Variants in AFF2 observed in about 807,000 individuals in gnomAD.
AFF2 encodes AF4/FMR2 family member 2.
A neutral mutation model predicts 76.9 loss-of-function variants in AFF2; 14 were observed. The ratio of observed to expected loss-of-function variants is 0.18; its 90% confidence interval spans 0.12 to 0.28. The LOEUF is 0.28. Among genes scored for constraint, AFF2 ranks in the 10% least tolerant of loss-of-function variants. The pLI is 1.00. For synonymous variants in AFF2, 398 were observed against 366.7 expected (o/e 1.09, Z -0.98); for missense variants, 868 against 1,001.1 (o/e 0.87, Z 1.79).
chrX:148,718,684 G>A (rs2055054977), intron 3 of AFF2, among the ~76,000 whole-genome samples: 1 of 111,460 alleles, frequency 9.0e-6, no homozygotes, highest in African/African-American at 3.3e-5. Context: ...TTCTATGTGT[G>A]TTTGCATATT....
chrX:148,639,493 C>T (rs1181998435), intron 1 of AFF2, among the ~76,000 whole-genome samples: 1 of 112,056 alleles, frequency 8.9e-6, no homozygotes, highest in Non-Finnish European at 1.9e-5. Context: ...AGATAGGAGA[C>T]AAGCAATTGG....
intron 9 of AFF2, among the ~76,000 whole-genome samples, chrX:148,919,431 A>T (rs1390782085): frequency 9.0e-6 from 1 of 111,277 alleles, no homozygotes; most frequent in East Asian, 2.8e-4. Context: ...CAGTTTCTTC[A>T]TAATGAAACC....
intron 1 of AFF2, among the ~76,000 whole-genome samples, chrX:148,584,358 C>G (rs144312467): frequency 1.8e-5 from 2 of 111,020 alleles, no homozygotes; most frequent in Admixed American, 1.9e-4. Flanking sequence ...GTCTGAGAAA[C>G]TGTTAAAATG....
chrX:148,641,842 T>G (rs967145241), intron 1 of AFF2, among the ~76,000 whole-genome samples: 2 of 112,023 alleles, frequency 1.8e-5, no homozygotes, highest in African/African-American at 6.5e-5. Flanking sequence ...CATCTTCTCC[T>G]CTTATAAGGA....
At chrX:148,874,688 AG>A (rs1223754063) in intron 7 of AFF2, among the ~76,000 whole-genome samples, 5 of 112,203 alleles carry the variant, frequency 4.5e-5, no homozygotes, top group Non-Finnish European at 9.4e-5. Flanking sequence ...AGAACAGTTT[AG>A]ATAAGTGTGT....
In AFF2 at chrX:148,995,065, A is replaced by C. The variant is rs930538717; in HGVS notation, c.*3733A>C. 1 of 112,203 alleles carries C rather than the reference A, an allele frequency of 8.9e-6. No individual in the cohort carries two copies. Among genetic ancestry groups the C allele is most frequent in the African/African-American group, 3.2e-5 (1 of 30,788 alleles). 9.2% of individuals were successfully genotyped at this position (112,203 alleles called of 1,213,427 possible). On this transcript the variant is annotated 3_prime_UTR_variant, in exon 21 of 21. Transcript: ENST00000370460. ...GGTCAATTCAGCACCCCCAAATTTAATTCTGTGGGGAAAAATTATTGAGCC... is the reference window on the plus strand; with the variant it reads ...GGTCAATTCAGCACCCCCAAATTTACTTCTGTGGGGAAAAATTATTGAGCC...
intron 1 of AFF2, among the ~76,000 whole-genome samples, chrX:148,615,608 T>C (rs2053789902): frequency 8.9e-6 from 1 of 111,940 alleles, no homozygotes; most frequent in Non-Finnish European, 1.9e-5. Context: ...CCAATGCTCT[T>C]GGCTTTGCCG....
chrX:148,814,603 G>T (rs2070242712), intron 4 of AFF2, among the ~76,000 whole-genome samples: 1 of 111,600 alleles, frequency 9.0e-6, no homozygotes, highest in Non-Finnish European at 1.9e-5. Context: ...TCTTCTTACA[G>T]ATTTCTTCCT....
chrX:148,580,218 C>T (rs923534995), intron 1 of AFF2, among the ~76,000 whole-genome samples: 2 of 111,104 alleles, frequency 1.8e-5, no homozygotes, highest in Admixed American at 1.9e-4. Flanking sequence ...TGCCCAGTGC[C>T]TCCTATTTGC....
intron 3 of AFF2, among the ~76,000 whole-genome samples, chrX:148,764,456 A>C (rs1182348263): frequency 2.7e-5 from 3 of 112,498 alleles, no homozygotes; most frequent in Non-Finnish European, 5.6e-5. Context: ...AACTATGGAC[A>C]TGCAAATTTG....
chrX:148,954,349 C>A (rs1209544748), intron 10 of AFF2, among the ~76,000 whole-genome samples: 1 of 112,056 alleles, frequency 8.9e-6, no homozygotes, highest in African/African-American at 3.2e-5. Flanking sequence ...GATAGCCGCT[C>A]AATTTCCCTG....
chrX:148,952,562 A>G (rs2071981705), intron 9 of AFF2, among the ~76,000 whole-genome samples: 1 of 111,749 alleles, frequency 8.9e-6, no homozygotes, highest in Admixed American at 9.5e-5. Context: ...TTTCTGAGAG[A>G]AAGCAAAATT....
intron 3 of AFF2, among the ~76,000 whole-genome samples, chrX:148,783,062 C>A (rs1557269210): frequency 8.9e-6 from 1 of 111,762 alleles, no homozygotes; most frequent in African/African-American, 3.3e-5. Flanking sequence ...TGTTAGGGAG[C>A]AAATAACATT....
chrX:148,919,268 A>G lies in AFF2; in HGVS notation c.1397+15010A>G, dbSNP rs782768795. ...AGCAATCAAAAAGCAACCCTGTGCA[A>G]TATCACCGTAGCTCAGTTCCCAGTG... On this transcript the variant is annotated intron_variant, in intron 9 of 20. Coordinates refer to ENST00000370460, the MANE Select transcript of AFF2 (RefSeq NM_002025.4). Among the ~76,000 whole-genome samples, 25 of 111,370 alleles carry G rather than the reference A, an allele frequency of 2.2e-4. No individual in the cohort carries two copies. The East Asian group carries it at 3.1e-3, about 14-fold the overall frequency.
chrX:148,796,846 G>T (rs1346269434), intron 3 of AFF2, among the ~76,000 whole-genome samples: 1 of 112,051 alleles, frequency 8.9e-6, no homozygotes, highest in African/African-American at 3.2e-5. Flanking sequence ...GCAAAGTATC[G>T]ATTATATTTT....
At chrX:148,517,484 C>G (rs138461409) in intron 1 of AFF2, among the ~76,000 whole-genome samples, 2,473 of 111,546 alleles carry the variant, frequency 0.022, 27 homozygotes, top group Non-Finnish European at 0.036. Flanking sequence ...CCAAGCGGAC[C>G]CAACACTCCC....
chrX:148,644,079 A>C (rs1463537538), intron 1 of AFF2, among the ~76,000 whole-genome samples: 1 of 111,594 alleles, frequency 9.0e-6, no homozygotes, highest in African/African-American at 3.3e-5. Flanking sequence ...ATTTTTGACA[A>C]TCAATATCCA....
At chrX:148,554,101 C>T (rs1303001441) in intron 1 of AFF2, among the ~76,000 whole-genome samples, 1 of 112,270 alleles carries the variant, frequency 8.9e-6, no homozygotes, top group East Asian at 2.8e-4. Context: ...TCATCTCTCT[C>T]GGCTTCTTTG....
chrX:148,563,518 G>A (rs1557241105), intron 1 of AFF2, among the ~76,000 whole-genome samples: 1 of 111,210 alleles, frequency 9.0e-6, no homozygotes, highest in East Asian at 2.8e-4. Flanking sequence ...TGCTGGGGGT[G>A]ATGGAGGTGA....
Sources: allele counts gnomAD v4.1 joint callset (sites outside exome capture counted in the v4.1 genomes callset), GRCh38; gene constraint gnomAD v4.1.1; transcripts MANE v1.5; gene names NCBI Gene and HGNC (gene_info 2026-07-23, HGNC 2026-07-21).